TSNARE1: variants seen among roughly 807,000 people sequenced by gnomAD.
TSNARE1 encodes t-SNARE domain containing 1.
In TSNARE1, 49 loss-of-function variants were observed where a neutral mutation model predicts 62.0. The ratio of observed to expected loss-of-function variants is 0.79; its 90% CI spans 0.63 to 1.00. The LOEUF (loss-of-function observed/expected upper bound fraction) is 1.00, where lower values mean the gene tolerates loss of function less well. Among genes scored for constraint, TSNARE1 ranks in the 50% least tolerant of loss-of-function variants. The probability of loss-of-function intolerance (pLI) is 0.00; values close to 1 mark genes in which losing one functional copy is unlikely to be tolerated. For missense variants in TSNARE1, 755 were observed against 700.1 expected (o/e 1.08, Z -0.88); for synonymous variants, 328 against 294.4 (o/e 1.11, Z -1.17).
chr8:142,376,988 T>G (rs1283060883), intron 1 of TSNARE1, among the ~76,000 whole-genome samples: 1 of 152,230 alleles, frequency 6.6e-6, no homozygotes, highest in Non-Finnish European at 1.5e-5. Context: ...GGGCAGCTAC[T>G]GGCAGAGCCC....
intron 12 of TSNARE1, among the ~76,000 whole-genome samples, chr8:142,255,991 G>A (rs62650734): frequency 0.065 from 287 of 4,424 alleles, no homozygotes; most frequent in African/African-American, 0.1. Context: ...CACCACCACC[G>A]TCACCATCAC....
chr8:142,273,933 C>T, intron 12 of TSNARE1: 1 of 985,266 alleles, frequency 1.0e-6, no homozygotes, highest in African/African-American at 1.7e-5. Flanking sequence ...CGTCTGGCTG[C>T]TCCTGGACCC....
chr8:142,382,126 C>G (rs768850854), intron 1 of TSNARE1, among the ~76,000 whole-genome samples: 3 of 152,198 alleles, frequency 2.0e-5, no homozygotes, highest in African/African-American at 4.8e-5. Context: ...GCATGGGCAT[C>G]CGAGTGGCAT....
intron 11 of TSNARE1, chr8:142,276,157 G>C: frequency 1.0e-6 from 1 of 985,430 alleles, no homozygotes; most frequent in Non-Finnish European, 1.2e-6. Flanking sequence ...AGCCAGGGAG[G>C]GGAGAGCCAG....
chr8:142,269,626 G>A, intron 12 of TSNARE1: 1 of 985,402 alleles, frequency 1.0e-6, no homozygotes, highest in Non-Finnish European at 1.2e-6. Context: ...ACTGTGCCCA[G>A]GCCATGGTGG....
At chr8:142,292,900 A>G (rs4325021) in intron 10 of TSNARE1, among the ~76,000 whole-genome samples, 36,701 of 151,856 alleles carry the variant, frequency 0.24, 5,052 homozygotes, top group African/African-American at 0.37. Context: ...CACCACCACA[A>G]AAGCACAACC....
chr8:142,320,765 A>G (rs984517626), intron 6 of TSNARE1, among the ~76,000 whole-genome samples: 1 of 152,242 alleles, frequency 6.6e-6, no homozygotes, highest in African/African-American at 2.4e-5. Context: ...ACCTGCCCAG[A>G]CAGCTCCCCT....
At chr8:142,352,274 C>T (rs1032663560) in intron 2 of TSNARE1, among the ~76,000 whole-genome samples, 1 of 152,214 alleles carries the variant, frequency 6.6e-6, no homozygotes, top group Non-Finnish European at 1.5e-5. Context: ...CCAATAAACA[C>T]GAAAAGGGGA....
At chr8:142,326,264 A>G (rs1830233703) in intron 6 of TSNARE1, 2 of 154,152 alleles carry the variant, frequency 1.3e-5, no homozygotes, top group African/African-American at 2.8e-5. Context: ...AGCGAAGGGG[A>G]GGGCCCCGGA....
At position 142,344,381 on chromosome 8, in the gene TSNARE1, A is replaced by G; in HGVS notation, c.330T>C (p.His110=). Residue 110 remains histidine (H), a synonymous_variant, in exon 4 of 14, where the codon CAT becomes CAC. Coordinates refer to ENST00000524325, the MANE Select transcript of TSNARE1 (RefSeq NM_145003.5). Reference sequence around the variant, plus strand: ...TAGTGCTGGGCCCCGCCATCCGGCCATGGGGCCCAGCAGCCGAGTCCTTCC... The same window carrying G: ...TAGTGCTGGGCCCCGCCATCCGGCCGTGGGGCCCAGCAGCCGAGTCCTTCC... ...GPRKDSAAGP[H]GRMAGPSTTR... is the part of the protein sequence containing the mutation. 6.4e-7 allele frequency: 1 copy of G among 1,573,146 alleles called. No homozygotes were observed. Among genetic ancestry groups the G allele is most frequent in the Non-Finnish European group, 8.6e-7 (1 of 1,163,602 alleles).
chr8:142,262,000 A>T (rs548485378), intron 12 of TSNARE1, among the ~76,000 whole-genome samples: 34 of 151,992 alleles, frequency 2.2e-4, no homozygotes, highest in Admixed American at 1.8e-3. Context: ...AGCCCCATCA[A>T]CTCTTGCCTG....
At chr8:142,339,037 C>A (rs946215111) in intron 4 of TSNARE1, among the ~76,000 whole-genome samples, 1 of 152,122 alleles carries the variant, frequency 6.6e-6, no homozygotes, top group African/African-American at 2.4e-5. Flanking sequence ...CTGGGAGGAC[C>A]CTTCTTGCCC....
chr8:142,347,386 T>G (rs1833514668), intron 2 of TSNARE1, among the ~76,000 whole-genome samples: 1 of 152,158 alleles, frequency 6.6e-6, no homozygotes, highest in African/African-American at 2.4e-5. Flanking sequence ...CTCTCAGTGT[T>G]TGATGAAGTG....
Position 142,269,926 on chromosome 8 carries a change from G to A in TSNARE1, c.1446+4855C>T, listed in dbSNP as rs150435831. The stretch of plus-strand genomic sequence containing the variant: ...CTGGCTCCAGGGGAAAACGCAAAAC[G>A]AGGAAAAGGCCCCTCTCCCTGCTCT... On this transcript the variant is annotated intron_variant, in intron 12 of 13. Coordinates refer to ENST00000524325, the MANE Select transcript of TSNARE1 (RefSeq NM_145003.5). The A allele has an allele frequency of 1.3e-3, 1,321 of 985,452 alleles. 20 individuals carry two copies. In the African/African-American group the frequency reaches 0.021, roughly 16 times the overall value. The allele number at this position is 985,452 out of a possible 1,614,324, so 61.0% of individuals were successfully genotyped here.
chr8:142,276,592 C>G lies in TSNARE1; in HGVS notation c.1364-1729G>C, dbSNP rs1323643433. The G allele has an allele frequency of 3.0e-6, 3 of 985,314 alleles. No individual in the cohort carries two copies. In the African/African-American group the frequency reaches 5.2e-5, roughly 17 times the overall value. The allele number at this position is 985,314 out of a possible 1,614,324, so 61.0% of individuals were successfully genotyped here. On this transcript the variant is annotated intron_variant, in intron 11 of 13. Coordinates refer to ENST00000524325, the MANE Select transcript of TSNARE1 (RefSeq NM_145003.5). ...CTGGGCTAACACAGGTGGTGCTGGA[C>G]AGGCCATGTGCCCTGGCTGGACACT... is the stretch of plus-strand genomic sequence containing the variant.
intron 4 of TSNARE1, among the ~76,000 whole-genome samples, chr8:142,332,082 G>A (rs1831132801): frequency 6.6e-6 from 1 of 152,234 alleles, no homozygotes; most frequent in Admixed American, 6.5e-5. Context: ...CAGAAAGGCA[G>A]CACCCTGAGT....
At chr8:142,240,256 G>C (rs1156610743) in intron 12 of TSNARE1, among the ~76,000 whole-genome samples, 4 of 152,170 alleles carry the variant, frequency 2.6e-5, no homozygotes, top group African/African-American at 9.7e-5. Flanking sequence ...GCATCAGAAA[G>C]GTCACTTTAT....
At chr8:142,401,040 G>C (rs572411548) in intron 1 of TSNARE1, among the ~76,000 whole-genome samples, 2 of 152,296 alleles carry the variant, frequency 1.3e-5, no homozygotes, top group African/African-American at 4.8e-5. Context: ...GTCGCGAATG[G>C]CTTGGTACAG....
intron 11 of TSNARE1, chr8:142,280,207 C>A: frequency 1.4e-5 from 14 of 985,370 alleles, no homozygotes; most frequent in Non-Finnish European, 1.6e-5. Flanking sequence ...TGTCTTGGTG[C>A]GGGAGTGGGG....
Sources: allele counts gnomAD v4.1 joint callset (sites outside exome capture counted in the v4.1 genomes callset), GRCh38; gene constraint gnomAD v4.1.1; transcripts MANE v1.5; gene names NCBI Gene and HGNC (gene_info 2026-07-23, HGNC 2026-07-21).